GRIN1: variants seen among roughly 807,000 people sequenced by gnomAD.
GRIN1 encodes the protein glutamate ionotropic receptor NMDA type subunit 1.
In GRIN1, 38 loss-of-function variants were observed where a neutral mutation model predicts 103.0. The ratio of observed to expected loss-of-function variants is 0.37; its 90% confidence interval spans 0.28 to 0.48. The LOEUF is 0.48. GRIN1 is among the 20% of genes least tolerant of loss of function. The probability of loss-of-function intolerance (pLI) is 0.98; values close to 1 mark genes in which losing one functional copy is unlikely to be tolerated. For synonymous variants in GRIN1, 544 were observed against 532.7 expected (o/e 1.02, Z -0.29); for missense variants, 577 against 1,288.9 (o/e 0.45, Z 8.46).
chr9:137,141,728 C>T (rs1014594588), intron 1 of GRIN1, among the ~76,000 whole-genome samples: 3 of 152,164 alleles, frequency 2.0e-5, no homozygotes, highest in African/African-American at 4.8e-5. Context: ...GCTCCAGGCC[C>T]CCAGGACATC....
Position 137,158,478 on chromosome 9 carries a change from G to C in GRIN1, c.1068G>C (p.Leu356=). The C allele has an allele frequency of 6.2e-7, 1 of 1,613,462 alleles. No homozygotes were observed. ...RKFANYSIMN[L]QNRKLVQVGI... Reference sequence around the variant, plus strand: ...TCGCCAACTACAGCATCATGAACCTGCAGAACCGCAAGCTGGTGCAAGTGG... The same window carrying C: ...TCGCCAACTACAGCATCATGAACCTCCAGAACCGCAAGCTGGTGCAAGTGG... The change falls in exon 7 of 20, where the codon CTG becomes CTC. Residue 356 remains leucine (L), a synonymous_variant. Coordinates refer to ENST00000371561, the MANE Select transcript of GRIN1 (RefSeq NM_007327.4).
rs1054674150 is a variant in GRIN1 at position 137,163,444 on chromosome 9, C to G, written c.2333+114C>G. On this transcript the variant is annotated intron_variant, in intron 16 of 19. Transcript: ENST00000371561. The stretch of plus-strand genomic sequence containing the variant: ...ACTGATTTCCCACCCAGGCCGGGCG[C>G]TGCCCACTCCACGCCGCACCCTACC... The G allele has an allele frequency of 1.5e-5, 22 of 1,441,830 alleles. No homozygotes were observed. The Admixed American group carries it at 3.8e-4, about 25-fold the overall frequency. The allele number at this position is 1,441,830 out of a possible 1,614,324, so 89.3% of individuals were successfully genotyped here. A position where few individuals can be genotyped will look rare whatever the true frequency, so the allele number is the denominator to read the frequency against.
rs1011185968 is a variant in GRIN1 at position 137,146,854 on chromosome 9, C to G, written c.570+952C>G. Among the ~76,000 whole-genome samples, 12 of 152,072 alleles carry G rather than the reference C, an allele frequency of 7.9e-5. No individual in the cohort carries two copies. Among genetic ancestry groups the G allele is most frequent in the African/African-American group, 2.2e-4 (9 of 41,382 alleles). On this transcript the variant is annotated intron_variant, in intron 3 of 19. Coordinates refer to ENST00000371561, the MANE Select transcript of GRIN1 (RefSeq NM_007327.4). The surrounding 1 kb of genome is among the most constrained non-coding windows in gnomAD (Gnocchi z 6.7). ...GCACCCCCCAAGGCACCCCAGGCCC[C>G]GGGAGGGACCAGAGGGCATGGGTCG...
At chr9:137,165,385 T>G in intron 19 of GRIN1, 89 bp downstream of exon 19, 3 of 829,354 alleles carry the variant, frequency 3.6e-6, no homozygotes, top group Non-Finnish European at 6.2e-6. Context: ...CCCCGGACCC[T>G]GGGCTCCTGT....
intron 1 of GRIN1, among the ~76,000 whole-genome samples, chr9:137,140,256 T>C (rs1032737614): frequency 2.6e-5 from 4 of 151,634 alleles, no homozygotes; most frequent in Admixed American, 6.6e-5. Flanking sequence ...GGAGTGGGGG[T>C]GCACACGCGA....
In GRIN1 at chr9:137,168,601, T is replaced by C. The variant is rs1834002211; in HGVS notation, c.*1074T>C. On this transcript the variant is annotated 3_prime_UTR_variant, in exon 20 of 20. Coordinates refer to ENST00000371561, the MANE Select transcript of GRIN1 (RefSeq NM_007327.4). ...GGTGCGTGACCGGCCCGCCACCTTG[T>C]ACAGAACCAGCACTCCCAGGGCCCG... 1 of 319,582 alleles carries C rather than the reference T, an allele frequency of 3.1e-6. No individual in the cohort carries two copies. The highest frequency in any genetic ancestry group is 5.6e-6 in the Non-Finnish European group (1 of 177,746). 19.8% of individuals were successfully genotyped at this position (319,582 alleles called of 1,614,324 possible).
intron 3 of GRIN1, 116 bp from the exon 4 acceptor site, chr9:137,148,893 A>T: frequency 1.3e-6 from 1 of 764,556 alleles, no homozygotes; most frequent in Non-Finnish European, 2.3e-6. Context: ...GGCGCAGACC[A>T]TGGCAGCCCT....
chr9:137,155,776 G>C (rs989639229), intron 4 of GRIN1, among the ~76,000 whole-genome samples: 1 of 152,216 alleles, frequency 6.6e-6, no homozygotes, highest in Non-Finnish European at 1.5e-5. Context: ...CTGCTCCACT[G>C]TCCACAGGGG....
At chr9:137,140,485 G>A (rs1267511504) in intron 1 of GRIN1, among the ~76,000 whole-genome samples, 1 of 152,228 alleles carries the variant, frequency 6.6e-6, no homozygotes, top group African/African-American at 2.4e-5. Flanking sequence ...CACCACATCT[G>A]TGGACACACA....
At position 137,158,719 on chromosome 9, in the gene GRIN1, G is replaced by A; in HGVS notation, c.1197+15G>A. On this transcript the variant is annotated intron_variant, in intron 8 of 19. Transcript: ENST00000371561. ...CCAGACTGAAGGTGGGGGCCCCACA[G>A]ACCTCCCTCAGTGTCCCCACCCCAG... is the stretch of plus-strand genomic sequence containing the variant. 1 of 1,595,300 alleles carries A rather than the reference G, an allele frequency of 6.3e-7. No individual in the cohort carries two copies. The highest frequency in any genetic ancestry group is 8.6e-7 in the Non-Finnish European group (1 of 1,163,988).
In GRIN1 at chr9:137,139,583, C is replaced by T; in HGVS notation, c.97C>T (p.Leu33=). 6 of 1,613,428 alleles carry T rather than the reference C, an allele frequency of 3.7e-6. No individual in the cohort carries two copies. Among genetic ancestry groups the T allele is most frequent in the Non-Finnish European group, 4.2e-6 (5 of 1,179,944 alleles). ...DPKIVNIGAV[L]STRKHEQMFR... is the part of the protein sequence containing the mutation. ...CAAGATCGTCAACATTGGCGCGGTG[C>T]TGAGCACGCGGAAGCACGAGCAGAT... Residue 33 remains leucine, a synonymous_variant, in exon 1 of 20, where the codon CTG becomes TTG. Transcript: ENST00000371561. This position sits in a 1 kb window ranked among gnomAD's most constrained non-coding sequence, Gnocchi z 7.7.
At chr9:137,145,059 C>T (rs1178709760) in intron 2 of GRIN1, among the ~76,000 whole-genome samples, 7 of 38,732 alleles carry the variant, frequency 1.8e-4, no homozygotes, top group African/African-American at 4.5e-4. Flanking sequence ...TCCCAGGGTC[C>T]AGAAAGTGTC....
intron 6 of GRIN1, 39 bp downstream of exon 6, chr9:137,157,076 TGGGGAGG>T: frequency 1.5e-6 from 1 of 658,966 alleles, no homozygotes; most frequent in Non-Finnish European, 1.9e-6. Context: ...GGGCTGCTCT[TGGGGAGG>T]TGGGCGGGGT....
intron 18 of GRIN1, 146 bp downstream of exon 18, chr9:137,164,050 T>A (rs756465414): frequency 9.1e-6 from 9 of 991,034 alleles, no homozygotes; most frequent in Non-Finnish European, 1.3e-5. Context: ...TGGTGAGTGC[T>A]CCCAGGGCAC....
chr9:137,165,129 G>A (rs1833800455), intron 18 of GRIN1, 57 bp from the exon 19 acceptor site: 16 of 1,225,506 alleles, frequency 1.3e-5, no homozygotes, highest in South Asian at 8.4e-5. Flanking sequence ...AGGAGCAGGC[G>A]AGGGCAGGTG....
Position 137,168,372 on chromosome 9 carries a change from A to C in GRIN1, c.*845A>C. ...CTGCCCTCCCCCACGGCCGTCCCTGACTTCCCAGCTGGCAGCGCCTCCCGC... is the reference window on the plus strand; with the variant it reads ...CTGCCCTCCCCCACGGCCGTCCCTGCCTTCCCAGCTGGCAGCGCCTCCCGC... On this transcript the variant is annotated 3_prime_UTR_variant, in exon 20 of 20. Transcript: ENST00000371561. The C allele has an allele frequency of 5.6e-6, 1 of 177,008 alleles. No individual in the cohort carries two copies. Among genetic ancestry groups the C allele is most frequent in the Non-Finnish European group, 1.2e-5 (1 of 85,904 alleles). The allele number at this position is 177,008 out of a possible 1,614,324, so 11.0% of individuals were successfully genotyped here.
Position 137,154,432 on chromosome 9 carries a change from CTTTTTTTTTTTT to C in GRIN1, c.672-2209_672-2198del, listed in dbSNP as rs543160973. On this transcript the variant is annotated intron_variant, in intron 4 of 19. Coordinates refer to ENST00000371561, the MANE Select transcript of GRIN1 (RefSeq NM_007327.4). ...CAGCCACCACCCCCAGCTCCAACAA[CTTTTTTTTTTTT>C]TTTTTTTTTTTTTTTTTTTTTTTTT... Among the ~76,000 whole-genome samples the C allele has an allele frequency of 2.9e-3, 125 of 42,996 alleles. 2 individuals carry two copies. Among genetic ancestry groups the C allele is most frequent in the Non-Finnish European group, 3.5e-3 (84 of 24,008 alleles). 28.2% of individuals were successfully genotyped at this position (42,996 alleles called of 152,430 possible).
At position 137,140,176 on chromosome 9, in the gene GRIN1, C is replaced by T. The variant is rs187943947; in HGVS notation, c.258+432C>T. Among the ~76,000 whole-genome samples the T allele has an allele frequency of 3.3e-4, 50 of 152,338 alleles. 1 individual carries two copies. In the East Asian group the frequency reaches 8.5e-3, roughly 26 times the overall value. On this transcript the variant is annotated intron_variant, in intron 1 of 19. Transcript: ENST00000371561. ...TCTCCTGCCCTTTCTTTCGTCCCTTCCCCCTACCGATGGGTCCGCCTGGGA... is the reference window on the plus strand; with the variant it reads ...TCTCCTGCCCTTTCTTTCGTCCCTTTCCCCTACCGATGGGTCCGCCTGGGA...
rs753171024 is a variant in GRIN1 at position 137,167,539 on chromosome 9, C to T, written c.*12C>T. ...ATAGGGAGAGCTGAGACTCCCCGCC[C>T]GCCCTCCTCTGCCCCCTCCCCCGCA... On this transcript the variant is annotated 3_prime_UTR_variant, in exon 20 of 20. Coordinates refer to ENST00000371561, the MANE Select transcript of GRIN1 (RefSeq NM_007327.4). 8 of 1,527,340 alleles carry T rather than the reference C, an allele frequency of 5.2e-6. No individual in the cohort carries two copies. In the South Asian group the frequency reaches 8.4e-5, roughly 16 times the overall value. 94.6% of individuals were successfully genotyped at this position (1,527,340 alleles called of 1,614,324 possible). A position where few individuals can be genotyped will look rare whatever the true frequency, so the allele number is the denominator to read the frequency against.
Sources: gnomAD v4.1 joint callset for allele counts (sites outside exome capture counted in the v4.1 genomes callset) on GRCh38, gnomAD v4.1.1 for gene constraint, Gnocchi (gnomAD v3.1) non-coding constraint, MANE v1.5 for transcripts, NCBI Gene and HGNC (gene_info 2026-07-23, HGNC 2026-07-21) for gene names.